The following PDE8B variants were observed in gnomAD, a reference collection of about 807,000 sequenced individuals.
PDE8B encodes the protein high affinity cAMP-specific and IBMX-insensitive 3',5'-cyclic phosphodiesterase 8B.
In PDE8B, 26 loss-of-function variants were observed where a neutral mutation model predicts 101.3. The observed-to-expected ratio is 0.26, with a 90% CI of 0.19 to 0.36. The LOEUF is 0.36. PDE8B is among the 10% of genes least tolerant of loss of function. The pLI is 1.00. For missense variants in PDE8B, 810 were observed against 1,163.1 expected (o/e 0.70, Z 4.42); for synonymous variants, 424 against 429.3 (o/e 0.99, Z 0.15).
chr5:77,392,484 T>C (rs1224858487), intron 10 of PDE8B, among the ~76,000 whole-genome samples: 6 of 152,198 alleles, frequency 3.9e-5, no homozygotes, highest in African/African-American at 1.4e-4. Context: ...CAGAGGGATG[T>C]GTAGGACAAC....
chr5:77,334,150 T>C (rs1777669973), intron 5 of PDE8B, among the ~76,000 whole-genome samples: 1 of 152,262 alleles, frequency 6.6e-6, no homozygotes, highest in Non-Finnish European at 1.5e-5. Flanking sequence ...ATATGCCAGT[T>C]ATCTTTGCCT....
chr5:77,278,732 G>C (rs553313863), intron 1 of PDE8B, among the ~76,000 whole-genome samples: 2 of 152,240 alleles, frequency 1.3e-5, no homozygotes, highest in East Asian at 3.9e-4. Context: ...GGGATTACAG[G>C]CATGACCCAC....
chr5:77,312,012 G>A lies in PDE8B; in HGVS notation c.358G>A (p.Val120Met). The change falls in exon 2 of 22, where the codon GTG (valine) becomes ATG (methionine). Residue 120 changes from valine to methionine, a missense_variant. Val to Met is a conservative substitution (Grantham distance 21). Transcript: ENST00000264917. ...TATTTAGCAGGTGTCTTCTGCGGAG[G>A]TGCGCATCGGGCCCATGAGACTGAC... ...TSVKQVSSAE[V>M]RIGPMRLTQD... 1 of 1,613,584 alleles carries A rather than the reference G, an allele frequency of 6.2e-7. No homozygotes were observed. Among genetic ancestry groups the A allele is most frequent in the Non-Finnish European group, 8.5e-7 (1 of 1,179,718 alleles).
chr5:77,271,990 G>A (rs992365483), intron 1 of PDE8B, among the ~76,000 whole-genome samples: 1 of 152,204 alleles, frequency 6.6e-6, no homozygotes, highest in Non-Finnish European at 1.5e-5. Flanking sequence ...CATTAGAAAT[G>A]TCAACTCTCA....
At position 77,311,976 on chromosome 5, in the gene PDE8B, G is replaced by A. The variant is rs562438831; in HGVS notation, c.340-18G>A. 45 of 1,607,932 alleles carry A rather than the reference G, an allele frequency of 2.8e-5. No homozygotes were observed. The highest frequency in any genetic ancestry group is 3.7e-5 in the Non-Finnish European group (44 of 1,174,554). ...TAGTTTAAGACTTGACGCTTCTCTTGTGCTGTCCTTTATTTAGCAGGTGTC... is the reference window on the plus strand; with the variant it reads ...TAGTTTAAGACTTGACGCTTCTCTTATGCTGTCCTTTATTTAGCAGGTGTC... On this transcript the variant is annotated intron_variant, in intron 1 of 21. Coordinates refer to ENST00000264917, the MANE Select transcript of PDE8B (RefSeq NM_003719.5).
chr5:77,196,024 T>A, the PDE8B span, among the ~76,000 whole-genome samples: 1 of 152,224 alleles, frequency 6.6e-6, no homozygotes, highest in Non-Finnish European at 1.5e-5. Context: ...TGACAAATGA[T>A]GTTGAGCGTC....
chr5:77,331,820 C>T (rs540185889), intron 5 of PDE8B, among the ~76,000 whole-genome samples: 80 of 152,302 alleles, frequency 5.3e-4, no homozygotes, highest in African/African-American at 1.9e-3. Flanking sequence ...GATACATCCA[C>T]CAAATTGGCA....
intron 1 of PDE8B, among the ~76,000 whole-genome samples, chr5:77,225,876 A>ACACACC: frequency 7.2e-6 from 1 of 137,986 alleles, no homozygotes; most frequent in East Asian, 2.2e-4. Context: ...ACACACACAC[A>ACACACC]CACACCCCAC....
intron 1 of PDE8B, among the ~76,000 whole-genome samples, chr5:77,299,627 A>G (rs1769454179): frequency 6.6e-6 from 1 of 151,996 alleles, no homozygotes; most frequent in Admixed American, 6.5e-5. Flanking sequence ...GCTGCATAGT[A>G]TTCCATGGTG....
intron 6 of PDE8B, among the ~76,000 whole-genome samples, chr5:77,341,230 A>G (rs1779160225): frequency 6.6e-6 from 1 of 152,204 alleles, no homozygotes; most frequent in African/African-American, 2.4e-5. Flanking sequence ...GAGAGCCTGA[A>G]TAAACGTTGT....
intron 19 of PDE8B, among the ~76,000 whole-genome samples, chr5:77,421,540 A>T (rs1299446980): frequency 6.6e-6 from 1 of 152,108 alleles, no homozygotes; most frequent in African/African-American, 2.4e-5. Context: ...TAGGGAAGAA[A>T]ATGGATGTGA....
chr5:77,231,883 G>T (rs1344545081), intron 1 of PDE8B, among the ~76,000 whole-genome samples: 1 of 152,240 alleles, frequency 6.6e-6, no homozygotes, highest in Non-Finnish European at 1.5e-5. Flanking sequence ...TGGGAAAGAA[G>T]TGACTTGACC....
intron 1 of PDE8B, among the ~76,000 whole-genome samples, chr5:77,230,434 C>A (rs1753337254): frequency 6.6e-6 from 1 of 152,184 alleles, no homozygotes; most frequent in South Asian, 2.1e-4. Flanking sequence ...GAAGCACAAT[C>A]TCAAGGGGTC....
intron 10 of PDE8B, among the ~76,000 whole-genome samples, chr5:77,367,368 G>A (rs1016944288): frequency 5.9e-5 from 9 of 151,972 alleles, no homozygotes; most frequent in Admixed American, 2.0e-4. Context: ...AGTGAGTGTC[G>A]TCCCTTGTGG....
intron 1 of PDE8B, among the ~76,000 whole-genome samples, chr5:77,302,450 T>C (rs1580897630): frequency 6.6e-6 from 1 of 151,790 alleles, no homozygotes; most frequent in Non-Finnish European, 1.5e-5. Context: ...TGGGGGGAGG[T>C]TGACGGTACT....
the PDE8B span, among the ~76,000 whole-genome samples, chr5:77,200,805 C>T: frequency 6.6e-6 from 1 of 152,144 alleles, no homozygotes; most frequent in Non-Finnish European, 1.5e-5. Context: ...TCACATCTTA[C>T]TGAATCTATT....
chr5:77,086,848 A>G, the PDE8B span: 1 of 152,350 alleles, frequency 6.6e-6, no homozygotes, highest in Non-Finnish European at 1.5e-5. Context: ...CACATTCCGA[A>G]CAAGCTTGTC....
At chr5:77,233,146 C>T (rs577119102) in intron 1 of PDE8B, among the ~76,000 whole-genome samples, 1 of 151,774 alleles carries the variant, frequency 6.6e-6, no homozygotes, top group Non-Finnish European at 1.5e-5. Flanking sequence ...GCGCTGCACA[C>T]CCTGTGAGGC....
intron 7 of PDE8B, 135 bp from the exon 8 acceptor site, chr5:77,349,284 A>C: frequency 9.5e-6 from 11 of 1,152,382 alleles, no homozygotes; most frequent in East Asian, 2.4e-5. Context: ...TAACTGCATT[A>C]GAGAATGTTT....
Sources: allele counts gnomAD v4.1 joint callset (sites outside exome capture counted in the v4.1 genomes callset), GRCh38; gene constraint gnomAD v4.1.1; transcripts MANE v1.5; gene names NCBI Gene and HGNC (gene_info 2026-07-23, HGNC 2026-07-21).